Variants in GOLGA8S observed in about 807,000 individuals in gnomAD.
GOLGA8S encodes the protein golgin subfamily A member 8S.
Under a neutral mutation model 58.9 loss-of-function variants are expected in GOLGA8S, and 23 were observed. That is an observed-to-expected ratio of 0.39 (90% CI 0.28 to 0.55). The LOEUF is 0.55. Among genes scored for constraint, GOLGA8S ranks in the 20% least tolerant of loss-of-function variants. The probability of loss-of-function intolerance (pLI) is 0.63; values close to 1 mark genes in which losing one functional copy is unlikely to be tolerated. For synonymous variants in GOLGA8S, 84 were observed against 195.7 expected, an observed-to-expected ratio of 0.43 and a Z score of 4.76; for missense variants, 266 against 514.2, an observed-to-expected ratio of 0.52 and a Z score of 4.67.
At chr15:23,360,567 T>A in intron 10 of GOLGA8S, 35 bp downstream of exon 10, 3 of 829,006 alleles carry the variant, frequency 3.6e-6, no homozygotes, top group Middle Eastern at 3.3e-4. Context: ...CCACATTAGA[T>A]AGGTCACTGG....
At position 23,361,132 on chromosome 15, in the gene GOLGA8S, G is replaced by GT. The variant is rs1415303001; in HGVS notation, c.875-83dup. ...AGAGGAGCTGTGCGCCAAGAGGAGG[G>GT]TTTTTTCTTTTCTTTTCTTTTCTTT... On this transcript the variant is annotated intron_variant, in intron 11 of 18. Coordinates refer to ENST00000562295, the Ensembl canonical transcript of GOLGA8S. 8.8e-6 allele frequency: 8 copies of GT among 907,936 alleles called. No homozygotes were observed. The East Asian group carries it at 1.2e-4, about 14-fold the overall frequency. 56.2% of individuals were successfully genotyped at this position (907,936 alleles called of 1,614,324 possible).
At position 23,356,391 on chromosome 15, in the gene GOLGA8S, GC is replaced by G. The variant is rs1399451108; in HGVS notation, c.49-198del. Among the ~76,000 whole-genome samples the G allele has an allele frequency of 3.1e-5, 4 of 128,778 alleles. 1 individual carries two copies. The highest frequency in any genetic ancestry group is 1.7e-4 in the Admixed American group (2 of 11,662). 84.5% of individuals were successfully genotyped at this position (128,778 alleles called of 152,430 possible). On this transcript the variant is annotated intron_variant, in intron 1 of 18. Coordinates refer to ENST00000562295, the Ensembl canonical transcript of GOLGA8S. ...GACTGAGTTTCAAAGTTCATCTGTC[GC>G]CTTTTTCTTTTCTTCTTTTTTTTTC...
At chr15:23,364,391 G>A (rs149847867) in exon 16 of GOLGA8S, 2 of 1,603,050 alleles carry the variant, frequency 1.2e-6, no homozygotes, top group Admixed American at 3.3e-5. Flanking sequence ...GAGTGAGCTG[G>A]TGAAGAAACA....
Position 23,360,558 on chromosome 15 carries a change from C to A in GOLGA8S, c.786+26C>A, listed in dbSNP as rs776968679. 23 of 783,706 alleles carry A rather than the reference C, an allele frequency of 2.9e-5. 1 individual carries two copies. Among genetic ancestry groups the A allele is most frequent in the African/African-American group, 2.3e-4 (13 of 57,456 alleles). The allele number at this position is 783,706 out of a possible 1,614,324, so 48.5% of individuals were successfully genotyped here. A position where few individuals can be genotyped will look rare whatever the true frequency, so the allele number is the denominator to read the frequency against. Reference sequence around the variant, plus strand: ...GTGAGATCTGACCCTTCAGCCCCCCCACATTAGATAGGTCACTGGATCTTT... The same window carrying A: ...GTGAGATCTGACCCTTCAGCCCCCCAACATTAGATAGGTCACTGGATCTTT... On this transcript the variant is annotated intron_variant, in intron 10 of 18. Transcript: ENST00000562295.
intron 1 of GOLGA8S, among the ~76,000 whole-genome samples, chr15:23,356,321 G>C (rs1161981123): frequency 7.0e-6 from 1 of 141,982 alleles, no homozygotes; most frequent in African/African-American, 2.5e-5. Flanking sequence ...TTTGGTCCCT[G>C]GCAGCTGATG....
At chr15:23,365,908 C>T (rs1041354997), downstream of GOLGA8S, 1 of 152,092 alleles carries the variant, frequency 6.6e-6, no homozygotes, top group Non-Finnish European at 1.5e-5. Context: ...GATACTGCAT[C>T]ATGAGCTGCA....
At position 23,364,363 on chromosome 15, in the gene GOLGA8S, G is replaced by A. The variant is rs775270833; in HGVS notation, c.1368G>A (p.Leu456=). Reference sequence around the variant, plus strand: ...TCCAGAGCAGCTTTATGGACCACCTGGAGGAGAAGGCAGACCTGAGTGAGC... The same window carrying A: ...TCCAGAGCAGCTTTATGGACCACCTAGAGGAGAAGGCAGACCTGAGTGAGC... Residue 456 remains leucine (L), a synonymous_variant, in exon 16 of 19, where the codon CTG becomes CTA. Coordinates refer to ENST00000562295, the Ensembl canonical transcript of GOLGA8S. 19 of 1,602,680 alleles carry A rather than the reference G, an allele frequency of 1.2e-5. 1 individual carries two copies. In the Admixed American group the frequency reaches 1.8e-4, roughly 15 times the overall value.
At chr15:23,361,568 G>A (rs1333853044) in intron 12 of GOLGA8S, 112 bp downstream of exon 12, 6 of 634,172 alleles carry the variant, frequency 9.5e-6, no homozygotes, top group Middle Eastern at 4.2e-4. Context: ...ACTCCTAAAG[G>A]CACCTGTGAG....
At chr15:23,359,255 G>C in intron 8 of GOLGA8S, 46 bp downstream of exon 8, 1 of 713,868 alleles carries the variant, frequency 1.4e-6, no homozygotes, top group East Asian at 2.5e-5. Context: ...TGGCTTTGCA[G>C]ACAGAGGAGT....
intron 15 of GOLGA8S, among the ~76,000 whole-genome samples, 153 bp from the exon 16 acceptor site, chr15:23,364,190 G>A (rs991519023): frequency 6.2e-5 from 9 of 145,408 alleles, no homozygotes; most frequent in Non-Finnish European, 9.1e-5. Context: ...GGGCCTGGGG[G>A]CGAGTCTGTG....
chr15:23,364,437 G>T, exon 16 of GOLGA8S: 2 of 1,605,204 alleles, frequency 1.2e-6, no homozygotes, highest in Non-Finnish European at 8.5e-7. Flanking sequence ...CAAGAGAGAT[G>T]CCATCAGTGA....
downstream of GOLGA8S, chr15:23,365,270 G>C: frequency 9.5e-7 from 1 of 1,056,848 alleles, no homozygotes; most frequent in Non-Finnish European, 1.3e-6. Context: ...CTAATTTATA[G>C]TTTTAAGTTT....
At position 23,361,388 on chromosome 15, in the gene GOLGA8S, G is replaced by T; in HGVS notation, c.1042G>T (p.Glu348Ter). The change falls in exon 12 of 19, where the codon GAG becomes TAG. Residue 348 changes from glutamate to a stop codon, truncating the protein, a stop_gained. Transcript: ENST00000562295. LOFTEE classifies it high-confidence loss of function. ...AAAGGAGAGGCTTCGGGAGCAGCAG[G>T]AGAGGCTTCCAGAGCAGGAGGAGAG... The T allele has an allele frequency of 1.2e-6, 1 of 839,606 alleles. No individual in the cohort carries two copies. 52.0% of individuals were successfully genotyped at this position (839,606 alleles called of 1,614,324 possible). A position where few individuals can be genotyped will look rare whatever the true frequency, so the allele number is the denominator to read the frequency against.
chr15:23,360,194 C>G lies in GOLGA8S; in HGVS notation c.592-38C>G. The G allele has an allele frequency of 1.0e-5, 8 of 779,660 alleles. 2 individuals carry two copies. The highest frequency in any genetic ancestry group is 1.9e-5 in the Non-Finnish European group (8 of 425,210). The allele number at this position is 779,660 out of a possible 1,614,324, so 48.3% of individuals were successfully genotyped here. On this transcript the variant is annotated intron_variant, in intron 8 of 18. Coordinates refer to ENST00000562295, the Ensembl canonical transcript of GOLGA8S. ...TTTAAGGGGCACTGTGTGGAATGGC[C>G]CGGCCTCCCCAGATTGAAACTTCTC...
chr15:23,367,820 G>T (rs1420611163), downstream of GOLGA8S, among the ~76,000 whole-genome samples: 2 of 151,794 alleles, frequency 1.3e-5, no homozygotes, highest in Non-Finnish European at 2.9e-5. Flanking sequence ...TTTAATTTCT[G>T]TAGGAAGAAT....
At chr15:23,366,708 A>C (rs2069928479), downstream of GOLGA8S, 1 of 151,562 alleles carries the variant, frequency 6.6e-6, no homozygotes, top group Non-Finnish European at 1.5e-5. Context: ...GAATGAATGC[A>C]TTTCAGTTAT....
chr15:23,367,831 CA>C (rs1294035482), downstream of GOLGA8S, among the ~76,000 whole-genome samples: 2 of 151,458 alleles, frequency 1.3e-5, no homozygotes, highest in Non-Finnish European at 2.9e-5. Flanking sequence ...TAGGAAGAAT[CA>C]AAACACCTAT....
downstream of GOLGA8S, chr15:23,365,763 T>C (rs2069911534): frequency 5.9e-6 from 1 of 169,806 alleles, no homozygotes; most frequent in Non-Finnish European, 1.3e-5. Flanking sequence ...GCTTTTTAAA[T>C]CTCACAGAAG....
In GOLGA8S at chr15:23,364,140, C is replaced by A. The variant is rs1169007132; in HGVS notation, c.1348-203C>A. 1.4e-5 allele frequency among the ~76,000 whole-genome samples: 2 copies of A among 137,944 alleles called. 1 individual carries two copies. The highest frequency in any genetic ancestry group is 3.1e-5 in the Non-Finnish European group (2 of 63,824). The allele number at this position is 137,944 out of a possible 152,430, so 90.5% of individuals were successfully genotyped here. On this transcript the variant is annotated intron_variant, in intron 15 of 18. Transcript: ENST00000562295. ...GCCTGGCTCACCTGGTGGCCTCGGC[C>A]CAGAAGGAGCCAGAGGCAGCCAGAG...
Sources: allele counts gnomAD v4.1 joint callset (sites outside exome capture counted in the v4.1 genomes callset), GRCh38; gene constraint gnomAD v4.1.1; transcripts MANE v1.5; gene names NCBI Gene and HGNC (gene_info 2026-07-23, HGNC 2026-07-21).